The following MAP2 variants were observed in gnomAD, a reference collection of about 807,000 sequenced individuals.
MAP2 encodes microtubule-associated protein 2.
In MAP2, 14 loss-of-function variants were observed where a neutral mutation model predicts 137.6. The observed-to-expected ratio is 0.10, with a 90% confidence interval of 0.07 to 0.16. The LOEUF (loss-of-function observed/expected upper bound fraction) is 0.16, where lower values mean the gene tolerates loss of function less well. MAP2 is among the 10% of genes least tolerant of loss of function. The pLI is 1.00. For synonymous variants in MAP2, 786 were observed against 782.3 expected (o/e 1.00, Z -0.08); for missense variants, 2,088 against 2,191.5 (o/e 0.95, Z 0.94).
chr2:209,556,125 C>T (rs1299531322), intron 2 of MAP2, among the ~76,000 whole-genome samples: 2 of 149,870 alleles, frequency 1.3e-5, no homozygotes, highest in African/African-American at 2.5e-5. Context: ...ACTGCAGCCT[C>T]CAACTCCCGG....
intron 13 of MAP2, among the ~76,000 whole-genome samples, chr2:209,715,120 G>A (rs1304569479): frequency 1.3e-5 from 2 of 151,814 alleles, no homozygotes; most frequent in African/African-American, 4.8e-5. Context: ...CATTAAATTT[G>A]GAAAGGTATG....
At chr2:209,641,848 T>G (rs1378510566) in intron 4 of MAP2, among the ~76,000 whole-genome samples, 1 of 152,120 alleles carries the variant, frequency 6.6e-6, no homozygotes, top group Non-Finnish European at 1.5e-5. Flanking sequence ...AAGCATAAGT[T>G]GTATATCATG....
At chr2:209,578,536 T>C (rs943795633) in intron 2 of MAP2, among the ~76,000 whole-genome samples, 1 of 152,028 alleles carries the variant, frequency 6.6e-6, no homozygotes, top group Non-Finnish European at 1.5e-5. Flanking sequence ...GTAACCATGG[T>C]GATGCTTCTT....
At chr2:209,715,038 C>T (rs932320946) in intron 13 of MAP2, among the ~76,000 whole-genome samples, 3 of 151,988 alleles carry the variant, frequency 2.0e-5, no homozygotes, top group African/African-American at 7.2e-5. Flanking sequence ...ATTATATTTT[C>T]ATGAAATAAT....
chr2:209,474,101 A>T (rs1706527493), intron 1 of MAP2, among the ~76,000 whole-genome samples: 1 of 146,510 alleles, frequency 6.8e-6, no homozygotes, highest in African/African-American at 2.5e-5. Context: ...TAGAAGTAGT[A>T]CTCATTACCT....
intron 4 of MAP2, among the ~76,000 whole-genome samples, chr2:209,631,080 T>C (rs549998041): frequency 1.6e-5 from 2 of 127,618 alleles, no homozygotes; most frequent in African/African-American, 5.6e-5. Flanking sequence ...ATGACTGTCA[T>C]AGACAAATCT....
chr2:209,655,910 T>G (rs1236860427), intron 5 of MAP2, among the ~76,000 whole-genome samples: 1 of 152,176 alleles, frequency 6.6e-6, no homozygotes, highest in Non-Finnish European at 1.5e-5. Context: ...TACTTTCCGT[T>G]TTTGCTATAG....
intron 4 of MAP2, among the ~76,000 whole-genome samples, chr2:209,630,802 A>T (rs144866241): frequency 1.3e-5 from 2 of 151,788 alleles, no homozygotes; most frequent in African/African-American, 4.8e-5. Flanking sequence ...TTCACTACAT[A>T]CTATTTTTTC....
intron 2 of MAP2, among the ~76,000 whole-genome samples, chr2:209,524,514 T>A (rs1559275625): frequency 6.6e-6 from 1 of 152,022 alleles, no homozygotes; most frequent in Non-Finnish European, 1.5e-5. Context: ...ATTAAGATAA[T>A]AGCAATAAAA....
At chr2:209,550,727 G>A (rs921739628) in intron 2 of MAP2, among the ~76,000 whole-genome samples, 8 of 152,050 alleles carry the variant, frequency 5.3e-5, no homozygotes, top group African/African-American at 1.9e-4. Context: ...ATATTCAGAA[G>A]TCCCAATAAT....
At chr2:209,540,744 G>A (rs1375961326) in intron 2 of MAP2, among the ~76,000 whole-genome samples, 1 of 144,896 alleles carries the variant, frequency 6.9e-6, no homozygotes, top group African/African-American at 2.6e-5. Context: ...TTAAGTAATA[G>A]TCCTAAATAC....
In MAP2 at chr2:209,730,187, C is replaced by T. The variant is rs765725776; in HGVS notation, c.5274C>T (p.Asp1758=). Residue 1758 remains aspartate (D), a synonymous_variant, in exon 16 of 16, where the codon GAC becomes GAT. Coordinates refer to ENST00000682079, the MANE Select transcript of MAP2 (RefSeq NM_001375505.1). ...CTGATGCTTGTCTTAAACAGATTGACAGCCAAAAGTTGAACTTCAGAGAGC... is the reference window on the plus strand; with the variant it reads ...CTGATGCTTGTCTTAAACAGATTGATAGCCAAAAGTTGAACTTCAGAGAGC... ...HVPGGGNVKI[D]SQKLNFREHA... 26 of 1,613,598 alleles carry T rather than the reference C, an allele frequency of 1.6e-5. No individual in the cohort carries two copies. In the South Asian group the frequency reaches 2.9e-4, roughly 18 times the overall value.
intron 1 of MAP2, among the ~76,000 whole-genome samples, chr2:209,442,730 A>G (rs1442693673): frequency 6.6e-6 from 1 of 151,628 alleles, no homozygotes; most frequent in Non-Finnish European, 1.5e-5. Flanking sequence ...GGTGTTCTGC[A>G]GGCACTTGAA....
intron 4 of MAP2, among the ~76,000 whole-genome samples, chr2:209,648,808 G>A (rs1287256726): frequency 1.7e-4 from 23 of 137,110 alleles, no homozygotes; most frequent in African/African-American, 3.1e-4. Flanking sequence ...AAAAAAGAAA[G>A]AAAGAAAGTT....
At chr2:209,605,502 A>G (rs946837492) in intron 3 of MAP2, among the ~76,000 whole-genome samples, 1 of 152,148 alleles carries the variant, frequency 6.6e-6, no homozygotes, top group Non-Finnish European at 1.5e-5. Context: ...TATAATTGCA[A>G]CTATATGCTC....
At chr2:209,624,023 T>C (rs1463007803) in intron 3 of MAP2, among the ~76,000 whole-genome samples, 2 of 152,282 alleles carry the variant, frequency 1.3e-5, no homozygotes, top group East Asian at 3.9e-4. Context: ...CCAGACCATA[T>C]TTTTTGCTTT....
chr2:209,517,855 C>G (rs528895770), intron 2 of MAP2, among the ~76,000 whole-genome samples: 32 of 141,608 alleles, frequency 2.3e-4, no homozygotes, highest in Non-Finnish European at 3.6e-4. Flanking sequence ...GAATGATAAC[C>G]AAACAGATTT....
chr2:209,536,736 A>G (rs1378482804), intron 2 of MAP2, among the ~76,000 whole-genome samples: 1 of 152,182 alleles, frequency 6.6e-6, no homozygotes, highest in Non-Finnish European at 1.5e-5. Context: ...AAATTGAGTT[A>G]CTTGTTAATC....
At chr2:209,607,426 T>C (rs1239234727) in intron 3 of MAP2, among the ~76,000 whole-genome samples, 1 of 152,078 alleles carries the variant, frequency 6.6e-6, no homozygotes, top group Non-Finnish European at 1.5e-5. Flanking sequence ...TAATGTTTCA[T>C]TTGTTTGTTT....
Sources: allele counts gnomAD v4.1 joint callset (sites outside exome capture counted in the v4.1 genomes callset), GRCh38; gene constraint gnomAD v4.1.1; transcripts MANE v1.5; gene names NCBI Gene and HGNC (gene_info 2026-07-23, HGNC 2026-07-21).